Variants in KLHL29 observed in about 807,000 individuals in gnomAD.
KLHL29 encodes the protein kelch-like protein 29.
In KLHL29, 21 loss-of-function variants were observed where a neutral mutation model predicts 80.4. The ratio of observed to expected loss-of-function variants is 0.26; its 90% CI spans 0.19 to 0.38. The LOEUF (loss-of-function observed/expected upper bound fraction) is 0.38. Ranked by LOEUF, KLHL29 falls within the 10% of genes least tolerant of loss-of-function variation. The probability of loss-of-function intolerance (pLI) is 1.00; values close to 1 mark genes in which losing one functional copy is unlikely to be tolerated. For synonymous variants in KLHL29, 511 were observed against 526.8 expected (o/e 0.97, Z 0.41); for missense variants, 867 against 1,223.9 (o/e 0.71, Z 4.35).
chr2:23,617,286 C>G (rs1156324044), intron 3 of KLHL29: 1 of 152,266 alleles, frequency 6.6e-6, no homozygotes, highest in Non-Finnish European at 1.5e-5. Context: ...CCTGTCCCCC[C>G]GTCCTGGGGG....
chr2:23,423,651 C>T (rs1265546259), intron 1 of KLHL29, among the ~76,000 whole-genome samples: 6 of 152,188 alleles, frequency 3.9e-5, no homozygotes, highest in East Asian at 3.9e-4. Context: ...CTCAGCCTGG[C>T]GGGCGGGGGT....
At chr2:23,673,600 T>G (rs1305961787) in intron 5 of KLHL29, among the ~76,000 whole-genome samples, 1 of 150,318 alleles carries the variant, frequency 6.7e-6, no homozygotes, top group Non-Finnish European at 1.5e-5. Context: ...CAGGGGTGCA[T>G]ACACACCCAT....
At chr2:23,543,880 G>A (rs1028688237) in intron 2 of KLHL29, among the ~76,000 whole-genome samples, 9 of 152,146 alleles carry the variant, frequency 5.9e-5, no homozygotes, top group Non-Finnish European at 1.3e-4. Context: ...GGGGCTGGGG[G>A]AACTGGCAAG....
intron 1 of KLHL29, among the ~76,000 whole-genome samples, chr2:23,386,773 G>T (rs1014748764): frequency 6.6e-6 from 1 of 152,122 alleles, no homozygotes; most frequent in Non-Finnish European, 1.5e-5. Context: ...GCCTGGGGCC[G>T]GAGCGCGGGG....
At chr2:23,691,926 CG>C (rs1671637566) in intron 7 of KLHL29, 50 bp downstream of exon 7, 9 of 1,508,144 alleles carry the variant, frequency 6.0e-6, no homozygotes, top group Non-Finnish European at 8.1e-6. Flanking sequence ...TGCAGATGGG[CG>C]GAGAACTCCA....
intron 3 of KLHL29, among the ~76,000 whole-genome samples, chr2:23,637,830 A>G (rs1358467007): frequency 1.3e-5 from 2 of 152,010 alleles, no homozygotes; most frequent in East Asian, 1.9e-4. Context: ...CGTGAGGACC[A>G]TGGTCCTCAC....
In KLHL29 at chr2:23,444,418, G is replaced by A. The variant is rs182810586; in HGVS notation, c.-153-31142G>A. Among the ~76,000 whole-genome samples the A allele has an allele frequency of 1.9e-3, 291 of 152,192 alleles. 1 individual carries two copies. The highest frequency in any genetic ancestry group is 6.5e-3 in the African/African-American group (269 of 41,522). On this transcript the variant is annotated intron_variant, in intron 1 of 13. Transcript: ENST00000486442. ...TGGCTCACTGCAACCTCCGCCTCTC[G>A]GGTTCAAGCGATTCTCCTGCCTCAG...
chr2:23,433,205 C>T (rs1663233510), intron 1 of KLHL29, among the ~76,000 whole-genome samples: 1 of 151,468 alleles, frequency 6.6e-6, no homozygotes, highest in Non-Finnish European at 1.5e-5. Flanking sequence ...TGCCAGAGGC[C>T]TGGGTCTCCA....
rs527763759 is a variant in KLHL29, at chr2:23,495,684, A to T, written c.-46+20017A>T. ...TGTACCCACAGCTCCAGCGAGAGTG[A>T]CGGCCCCTCCTGGCATCGTGTCAGG... is the stretch of plus-strand genomic sequence containing the variant. On this transcript the variant is annotated intron_variant, in intron 2 of 13. Transcript: ENST00000486442. Among the ~76,000 whole-genome samples, 6 of 152,240 alleles carry T rather than the reference A, an allele frequency of 3.9e-5. No homozygotes were observed. The South Asian group carries it at 1.2e-3, about 32-fold the overall frequency.
At chr2:23,698,393 T>G (rs1224368577) in intron 11 of KLHL29, among the ~76,000 whole-genome samples, 1 of 152,154 alleles carries the variant, frequency 6.6e-6, no homozygotes, top group East Asian at 1.9e-4. Flanking sequence ...GAAGTGTAGC[T>G]AGACCCCCTT....
intron 2 of KLHL29, among the ~76,000 whole-genome samples, chr2:23,493,955 A>G (rs1307355047): frequency 6.6e-6 from 1 of 152,244 alleles, no homozygotes; most frequent in Non-Finnish European, 1.5e-5. Flanking sequence ...CCTACACTGA[A>G]AGAGGTTTAG....
At chr2:23,521,363 A>T (rs932368292) in intron 2 of KLHL29, among the ~76,000 whole-genome samples, 1 of 152,262 alleles carries the variant, frequency 6.6e-6, no homozygotes, top group African/African-American at 2.4e-5. Context: ...GTTTCCAAGC[A>T]GACTTTATTT....
intron 11 of KLHL29, among the ~76,000 whole-genome samples, chr2:23,698,279 C>CCAA: frequency 1.4e-5 from 2 of 146,010 alleles, no homozygotes; most frequent in East Asian, 4.2e-4. Context: ...CCAGAGTCTG[C>CCAA]CAACTGTCCT....
chr2:23,570,824 C>T (rs1283737356), intron 3 of KLHL29, among the ~76,000 whole-genome samples: 1 of 152,208 alleles, frequency 6.6e-6, no homozygotes, highest in African/African-American at 2.4e-5. Flanking sequence ...ATTTGAATGA[C>T]CGAGAGTCAC....
intron 3 of KLHL29, among the ~76,000 whole-genome samples, chr2:23,577,969 A>T (rs1007601117): frequency 2.6e-5 from 4 of 152,180 alleles, no homozygotes; most frequent in African/African-American, 7.2e-5. Context: ...CCAGGAGCAG[A>T]AGAAAGCTTC....
At chr2:23,453,374 C>T (rs1306411683) in intron 1 of KLHL29, among the ~76,000 whole-genome samples, 1 of 152,238 alleles carries the variant, frequency 6.6e-6, no homozygotes, top group African/African-American at 2.4e-5. Context: ...AGGCAGGATT[C>T]CCCTGAAGCT....
chr2:23,486,127 G>T (rs1350749480), intron 2 of KLHL29, among the ~76,000 whole-genome samples: 1 of 152,180 alleles, frequency 6.6e-6, no homozygotes, highest in African/African-American at 2.4e-5. Context: ...TGGCCCACCA[G>T]ATCCCAGACA....
At chr2:23,495,764 C>T (rs916642944) in intron 2 of KLHL29, among the ~76,000 whole-genome samples, 1 of 152,194 alleles carries the variant, frequency 6.6e-6, no homozygotes, top group Non-Finnish European at 1.5e-5. Flanking sequence ...TGGCTGTGGA[C>T]GCCTACCTTG....
intron 5 of KLHL29, among the ~76,000 whole-genome samples, chr2:23,670,930 C>G (rs1247086413): frequency 2.6e-4 from 2 of 7,830 alleles, no homozygotes; most frequent in East Asian, 0.023. Flanking sequence ...CTCTCTCTCT[C>G]TCTCTCTCTC....
Sources: gnomAD v4.1 joint callset for allele counts (sites outside exome capture counted in the v4.1 genomes callset) on GRCh38, gnomAD v4.1.1 for gene constraint, MANE v1.5 for transcripts, NCBI Gene and HGNC (gene_info 2026-07-23, HGNC 2026-07-21) for gene names.